APEH: variants seen among roughly 807,000 people sequenced by gnomAD.
APEH encodes the protein acylaminoacyl-peptide hydrolase, also known as acylamino-acid-releasing enzyme.
A neutral mutation model predicts 102.7 loss-of-function variants in APEH; 75 were observed. That is an observed-to-expected ratio of 0.73 (90% CI 0.61 to 0.89). The LOEUF (loss-of-function observed/expected upper bound fraction) is 0.89. APEH is among the 40% of genes least tolerant of loss of function. The pLI is 0.00. For synonymous variants in APEH, 344 were observed against 362.7 expected, an observed-to-expected ratio of 0.95 and a Z score of 0.59; for missense variants, 863 against 941.2, an observed-to-expected ratio of 0.92 and a Z score of 1.09.
chr3:49,682,804 C>T, intron 19 of APEH, 39 bp from the exon 20 acceptor site: 1 of 1,613,832 alleles, frequency 6.2e-7, no homozygotes, highest in Non-Finnish European at 8.5e-7. Context: ...CCCCGTAGCC[C>T]CAGAATTCCT....
intron 14 of APEH, 27 bp from the exon 15 acceptor site, chr3:49,681,074 C>G (rs773150828): frequency 1.1e-5 from 17 of 1,553,984 alleles, no homozygotes; most frequent in Non-Finnish European, 1.4e-5. Context: ...GCCAGGCCAC[C>G]TATGACACAT....
Position 49,683,338 on chromosome 3 carries a change from G to A in APEH, c.2195G>A (p.Ser732Asn), listed in dbSNP as rs948739017. 3 of 1,611,092 alleles carry A rather than the reference G, an allele frequency of 1.9e-6. No individual in the cohort carries two copies. Among genetic ancestry groups the A allele is most frequent in the Middle Eastern group, 1.7e-4 (1 of 6,056 alleles). Residue 732 changes from serine (S) to asparagine (N), a missense_variant, in exon 22 of 22, where the codon AGC becomes AAC. Coordinates refer to ENST00000296456, the MANE Select transcript of APEH (RefSeq NM_001640.4). ...AVLWLRTHLG[S>N] The stretch of plus-strand genomic sequence containing the variant: ...CTCTGGCTACGCACACACTTGGGCA[G>A]CTGAAGCCCTGCCATTCTGCATGAG...
At chr3:49,681,290 A>G in intron 15 of APEH, 51 bp downstream of exon 15, 2 of 1,494,754 alleles carry the variant, frequency 1.3e-6, no homozygotes, top group Non-Finnish European at 1.8e-6. Flanking sequence ...CCCCAGCACA[A>G]AGCCTCTGCG....
At chr3:49,674,150 C>T (rs1308057089), upstream of APEH, 3 of 548,986 alleles carry the variant, frequency 5.5e-6, no homozygotes, top group African/African-American at 2.0e-5. Flanking sequence ...CCGCCCCCCA[C>T]TTGGCTAGTC....
chr3:49,674,727 G>C, intron 2 of APEH, 106 bp downstream of exon 2: 4 of 1,433,348 alleles, frequency 2.8e-6, no homozygotes, highest in Non-Finnish European at 3.8e-6. Context: ...GGTATATAGG[G>C]AGCCGGCCTG....
rs368391072 is a variant in APEH at position 49,681,640 on chromosome 3, C to T, written c.1439-82C>T. On this transcript the variant is annotated intron_variant, in intron 15 of 21. Transcript: ENST00000296456. ...GCCAGGTCTCTGACCCAGAGGTCAG[C>T]CCCACACCTGCAGCTAGAGATGGGG... 2.6e-4 allele frequency: 331 copies of T among 1,295,742 alleles called. 2 individuals are homozygous for T. In the East Asian group the frequency reaches 7.7e-3, roughly 30 times the overall value. 80.3% of individuals were successfully genotyped at this position (1,295,742 alleles called of 1,614,324 possible). A position where few individuals can be genotyped will look rare whatever the true frequency, so the allele number is the denominator to read the frequency against.
Position 49,675,680 on chromosome 3 carries a change from C to T in APEH, c.273-14C>T. On this transcript the variant is annotated splice_polypyrimidine_tract_variant and intron_variant, in intron 3 of 21. Coordinates refer to ENST00000296456, the MANE Select transcript of APEH (RefSeq NM_001640.4). The stretch of plus-strand genomic sequence containing the variant: ...TGCAAGATAATCCTGACCTGTGCTA[C>T]CCCATGTCCACAGACTGCTGAGCAG... The T allele has an allele frequency of 6.2e-7, 1 of 1,608,316 alleles. No homozygotes were observed. The highest frequency in any genetic ancestry group is 1.1e-5 in the South Asian group (1 of 90,948).
rs2053209988 is a variant in APEH, at chr3:49,679,217, G to A, written c.1158+268G>A. Among the ~76,000 whole-genome samples, 1 of 152,152 alleles carries A rather than the reference G, an allele frequency of 6.6e-6. No individual in the cohort carries two copies. Among genetic ancestry groups the A allele is most frequent in the African/African-American group, 2.4e-5 (1 of 41,434 alleles). On this transcript the variant is annotated intron_variant, in intron 12 of 21. Transcript: ENST00000296456. The surrounding 1 kb of genome is among the most constrained non-coding windows in gnomAD (Gnocchi z 4.3). The stretch of plus-strand genomic sequence containing the variant: ...CTGGGGGTCAAGGGGACTGCCACTC[G>A]GGTGGGTCCCTGAACACTCTGTAAT...
upstream of APEH, chr3:49,673,959 G>A (rs982295338): frequency 2.2e-5 from 5 of 223,614 alleles, no homozygotes; most frequent in African/African-American, 1.2e-4. Context: ...GCGTGCTTGG[G>A]CCATGCCCGT....
Position 49,679,994 on chromosome 3 carries a change from C to T in APEH, c.1210+350C>T, listed in dbSNP as rs1305408174. On this transcript the variant is annotated intron_variant, in intron 13 of 21. Transcript: ENST00000296456. This position sits in a 1 kb window ranked among gnomAD's most constrained non-coding sequence, Gnocchi z 4.3. ...CTTCTCGCTCTGCAAACCTTGGGTG[C>T]CTGTCTCAGGCAGAGGCAGCTCTGC... 4 of 259,638 alleles carry T rather than the reference C, an allele frequency of 1.5e-5. No individual in the cohort carries two copies. The highest frequency in any genetic ancestry group is 6.7e-5 in the African/African-American group (3 of 44,980). The allele number at this position is 259,638 out of a possible 1,614,324, so 16.1% of individuals were successfully genotyped here.
upstream of APEH, chr3:49,674,227 C>G (rs1249499185): frequency 3.7e-6 from 3 of 818,110 alleles, no homozygotes; most frequent in Non-Finnish European, 5.5e-6. Context: ...GTCCTCTCAC[C>G]GTCAAGGCCC....
rs781408120 is a variant in APEH, at chr3:49,677,638, G to T, written c.1060+5G>T. On this transcript the variant is annotated splice_donor_5th_base_variant and intron_variant, in intron 11 of 21. Transcript: ENST00000296456. ...TTGTGCCTCGGCAGCTGGGAGGTAAGGCATACCTGGCTGGGTGGGTGCAGT... is the reference window on the plus strand; with the variant it reads ...TTGTGCCTCGGCAGCTGGGAGGTAATGCATACCTGGCTGGGTGGGTGCAGT... 8 of 1,612,722 alleles carry T rather than the reference G, an allele frequency of 5.0e-6. No individual in the cohort carries two copies. The highest frequency in any genetic ancestry group is 6.8e-6 in the Non-Finnish European group (8 of 1,178,814).
intron 11 of APEH, among the ~76,000 whole-genome samples, chr3:49,678,417 G>A (rs2053166430): frequency 6.6e-6 from 1 of 152,162 alleles, no homozygotes; most frequent in Non-Finnish European, 1.5e-5. Flanking sequence ...GGATCATAGT[G>A]AGTGTTAAGT....
Position 49,681,961 on chromosome 3 carries a change from C to G in APEH, c.1597C>G (p.Leu533Val), listed in dbSNP as rs960535265. The part of the protein sequence containing the change: ...AMLCKMGFAV[L>V]LVNYRGSTGF... ...GCTTTGCAAGATGGGCTTTGCGGTA[C>G]TACTAGGTGAGTGAGCAGGGACCCA... Residue 533 changes from leucine to valine, a missense_variant, in exon 17 of 22, where the codon CTA (leucine) becomes GTA (valine). Transcript: ENST00000296456. The G allele has an allele frequency of 3.1e-6, 5 of 1,613,548 alleles. No individual in the cohort carries two copies. In the African/African-American group the frequency reaches 4.0e-5, roughly 13 times the overall value.
rs368999061 is a variant in APEH, at chr3:49,682,540, C to T, written c.1693-6C>T. The T allele has an allele frequency of 8.6e-5, 138 of 1,613,902 alleles. No homozygotes were observed. The highest frequency in any genetic ancestry group is 1.5e-4 in the Admixed American group (9 of 60,006). On this transcript the variant is annotated splice_polypyrimidine_tract_variant and splice_region_variant and intron_variant, in intron 18 of 21. Coordinates refer to ENST00000296456, the MANE Select transcript of APEH (RefSeq NM_001640.4). ...TGGCTGCAGCATGCTTTGTCCCACC[C>T]TGCAGTTTGCAGTGGAACAGGTGCT... is the stretch of plus-strand genomic sequence containing the variant.
chr3:49,678,038 ATAT>A (rs1453615884), intron 11 of APEH, among the ~76,000 whole-genome samples: 1 of 152,108 alleles, frequency 6.6e-6, no homozygotes, highest in African/African-American at 2.4e-5. Context: ...CGAGGGCATG[ATAT>A]TATCCCATCC....
At position 49,682,909 on chromosome 3, in the gene APEH, G is replaced by A; in HGVS notation, c.1950G>A (p.Glu650=). Residue 650 remains glutamate (E), a synonymous_variant, in exon 20 of 22, where the codon GAG becomes GAA. Transcript: ENST00000296456. ...TGCCAGACCTCAGCGTGTGGGCTGA[G>A]ATGCTGGACAAATCGCCCATCAGAT... The part of the protein sequence containing the change: ...DCLPDLSVWA[E]MLDKSPIRYI... 1.9e-6 allele frequency: 3 copies of A among 1,614,084 alleles called. No individual in the cohort carries two copies. In the East Asian group the frequency reaches 6.7e-5, roughly 36 times the overall value.
In APEH at chr3:49,675,829, G is replaced by C. The variant is rs1308403747; in HGVS notation, c.366+42G>C. The C allele has an allele frequency of 1.9e-6, 3 of 1,612,432 alleles. No homozygotes were observed. In the African/African-American group the frequency reaches 4.0e-5, roughly 22 times the overall value. The stretch of plus-strand genomic sequence containing the variant: ...CCAGGTAGTGGGTGACAAGAGAGAG[G>C]CTCTGCCCCACAGATAAGGCTCTGT... On this transcript the variant is annotated intron_variant, in intron 4 of 21. Transcript: ENST00000296456.
Position 49,677,143 on chromosome 3 carries a change from A to G in APEH, c.999+119A>G, listed in dbSNP as rs1167700849. ...CTCAGTAGGTGCCCTTCTGTCCTCAATGCAGCAGCGGTGTGAGTTCTGCCT... is the reference window on the plus strand; with the variant it reads ...CTCAGTAGGTGCCCTTCTGTCCTCAGTGCAGCAGCGGTGTGAGTTCTGCCT... On this transcript the variant is annotated intron_variant, in intron 10 of 21. Transcript: ENST00000296456. The G allele has an allele frequency of 6.4e-6, 9 of 1,416,642 alleles. No homozygotes were observed. In the African/African-American group the frequency reaches 7.0e-5, roughly 11 times the overall value. The allele number at this position is 1,416,642 out of a possible 1,614,324, so 87.8% of individuals were successfully genotyped here. A position where few individuals can be genotyped will look rare whatever the true frequency, so the allele number is the denominator to read the frequency against.
Sources: gnomAD v4.1 joint callset for allele counts (sites outside exome capture counted in the v4.1 genomes callset) on GRCh38, gnomAD v4.1.1 for gene constraint, Gnocchi (gnomAD v3.1) non-coding constraint, MANE v1.5 for transcripts, NCBI Gene and HGNC (gene_info 2026-07-23, HGNC 2026-07-21) for gene names.